Variants in NRXN1 observed in about 807,000 individuals in gnomAD.
The protein encoded by NRXN1 is neurexin 1.
A neutral mutation model predicts 150.9 loss-of-function variants in NRXN1; 39 were observed. The observed-to-expected ratio is 0.26, with a 90% CI of 0.20 to 0.34. The LOEUF is 0.34. NRXN1 is among the 10% of genes least tolerant of loss of function. NRXN1 has a pLI of 1.00. For missense variants in NRXN1, 1,815 were observed against 1,949.9 expected (o/e 0.93, Z 1.30); for synonymous variants, 924 against 757.0 (o/e 1.22, Z -3.62).
At chr2:50,105,289 AG>A (rs1701484951) in intron 18 of NRXN1, 2 of 152,022 alleles carry the variant, frequency 1.3e-5, no homozygotes, top group African/African-American at 4.8e-5. Flanking sequence ...ACTGCTAGTA[AG>A]TGAAATATTA....
chr2:50,074,837 C>T (rs950925463), intron 19 of NRXN1, among the ~76,000 whole-genome samples: 1 of 152,176 alleles, frequency 6.6e-6, no homozygotes, highest in African/African-American at 2.4e-5. Flanking sequence ...ATTGTGAATA[C>T]AATGGAGCTT....
At chr2:50,292,203 A>C (rs774485069) in intron 17 of NRXN1, among the ~76,000 whole-genome samples, 18 of 152,178 alleles carry the variant, frequency 1.2e-4, no homozygotes, top group Non-Finnish European at 2.2e-4. Flanking sequence ...AAAAAGAATA[A>C]TATTTTGTGA....
At chr2:49,981,973 T>A (rs1680064353) in intron 21 of NRXN1, among the ~76,000 whole-genome samples, 1 of 152,042 alleles carries the variant, frequency 6.6e-6, no homozygotes, top group African/African-American at 2.4e-5. Flanking sequence ...GGGATGAGAG[T>A]GAAAATCTAT....
In NRXN1 at chr2:50,620,006, T is replaced by C. The variant is rs1559029686; in HGVS notation, c.1320+16A>G. Reference sequence around the variant, plus strand: ...GACCATGAATTAGGAATGATTCTGATGGCAACGATATTTACCTCTTTGAGA... The same window carrying C: ...GACCATGAATTAGGAATGATTCTGACGGCAACGATATTTACCTCTTTGAGA... On this transcript the variant is annotated intron_variant, in intron 8 of 22. Coordinates refer to ENST00000401669, the MANE Select transcript of NRXN1 (RefSeq NM_001330078.2). 6.4e-7 allele frequency: 1 copy of C among 1,554,572 alleles called. No homozygotes were observed. The highest frequency in any genetic ancestry group is 8.7e-7 in the Non-Finnish European group (1 of 1,147,806).
At chr2:50,572,851 T>C (rs1670857412) in intron 8 of NRXN1, among the ~76,000 whole-genome samples, 1 of 152,150 alleles carries the variant, frequency 6.6e-6, no homozygotes, top group Non-Finnish European at 1.5e-5. Context: ...AGAATGAGGG[T>C]CAAGGTATTG....
intron 2 of NRXN1, chr2:51,026,378 T>C: frequency 6.3e-7 from 1 of 1,586,488 alleles, no homozygotes; most frequent in Non-Finnish European, 8.6e-7. Flanking sequence ...CACTTTCTGT[T>C]AGAGGCTTTG....
chr2:50,357,819 C>T (rs1352970218), intron 17 of NRXN1, among the ~76,000 whole-genome samples: 1 of 152,186 alleles, frequency 6.6e-6, no homozygotes, highest in Admixed American at 6.5e-5. Context: ...CTCTGGTCTG[C>T]AGCTCCTAGC....
chr2:50,665,158 G>T (rs1687841405), intron 5 of NRXN1, among the ~76,000 whole-genome samples: 1 of 151,756 alleles, frequency 6.6e-6, no homozygotes, highest in Non-Finnish European at 1.5e-5. Flanking sequence ...CCTACAATAA[G>T]GTCAGCTTCT....
intron 21 of NRXN1, among the ~76,000 whole-genome samples, chr2:50,039,509 G>T (rs1327066640): frequency 2.0e-5 from 3 of 152,136 alleles, no homozygotes; most frequent in Admixed American, 6.6e-5. Flanking sequence ...GCAAAGAGAG[G>T]TAAGGCTCTT....
chr2:50,670,049 T>G (rs918517606), intron 5 of NRXN1, among the ~76,000 whole-genome samples: 1 of 151,802 alleles, frequency 6.6e-6, no homozygotes, highest in African/African-American at 2.4e-5. Context: ...TATACATGTA[T>G]AGTCCATATT....
At chr2:50,480,821 T>C (rs987262377) in intron 15 of NRXN1, among the ~76,000 whole-genome samples, 1 of 151,980 alleles carries the variant, frequency 6.6e-6, no homozygotes, top group African/African-American at 2.4e-5. Flanking sequence ...CCGAGACAAC[T>C]GAACTGAAAT....
At chr2:51,030,772 T>G (rs1369111039) in intron 1 of NRXN1, among the ~76,000 whole-genome samples, 1 of 152,206 alleles carries the variant, frequency 6.6e-6, no homozygotes, top group Non-Finnish European at 1.5e-5. Flanking sequence ...ATATTTTAAG[T>G]GGACTCAGGA....
chr2:50,717,702 G>A (rs1318840192), intron 5 of NRXN1, among the ~76,000 whole-genome samples: 2 of 152,174 alleles, frequency 1.3e-5, no homozygotes, highest in Admixed American at 1.3e-4. Flanking sequence ...AGTACAGGAT[G>A]CTGAAGGGTC....
intron 5 of NRXN1, among the ~76,000 whole-genome samples, chr2:50,908,790 AG>A (rs1201814685): frequency 6.6e-6 from 1 of 151,834 alleles, no homozygotes; most frequent in East Asian, 2.0e-4. Flanking sequence ...ATCAGTATGG[AG>A]CCCCCTTCAT....
chr2:50,176,874 T>C (rs2060384985), intron 18 of NRXN1, among the ~76,000 whole-genome samples: 1 of 152,058 alleles, frequency 6.6e-6, no homozygotes, highest in Non-Finnish European at 1.5e-5. Context: ...TACAGGTTGC[T>C]TTCAGTTCTT....
intron 18 of NRXN1, among the ~76,000 whole-genome samples, chr2:50,170,270 A>C (rs1419519417): frequency 6.6e-6 from 1 of 151,754 alleles, no homozygotes; most frequent in Non-Finnish European, 1.5e-5. Context: ...TCAAGGAAAT[A>C]CTCATTAGAA....
intron 5 of NRXN1, among the ~76,000 whole-genome samples, chr2:50,684,183 T>C (rs1034207661): frequency 6.6e-6 from 1 of 152,186 alleles, no homozygotes; most frequent in Non-Finnish European, 1.5e-5. Flanking sequence ...ATATGAATGA[T>C]AAAGAATTCT....
At chr2:50,152,992 G>A (rs935969497) in intron 18 of NRXN1, among the ~76,000 whole-genome samples, 1 of 151,330 alleles carries the variant, frequency 6.6e-6, no homozygotes, top group Non-Finnish European at 1.5e-5. Context: ...AGGTTCCTTA[G>A]GCACTATTTA....
At chr2:50,247,419 T>C (rs548842) in intron 17 of NRXN1, among the ~76,000 whole-genome samples, 102,295 of 151,944 alleles carry the variant, frequency 0.67, 35,841 homozygotes, top group African/African-American at 0.87. Context: ...ATCTGACAGA[T>C]AGCACCTTAA....
Sources: gnomAD v4.1 joint callset for allele counts (sites outside exome capture counted in the v4.1 genomes callset) on GRCh38, gnomAD v4.1.1 for gene constraint, MANE v1.5 for transcripts, NCBI Gene and HGNC (gene_info 2026-07-23, HGNC 2026-07-21) for gene names.